The following RBMX2 variants were observed in gnomAD, a reference collection of about 807,000 sequenced individuals.
The protein encoded by RBMX2 is RNA binding motif protein X-linked 2, also known as RNA-binding motif protein, X-linked 2.
For synonymous variants in RBMX2, 77 were observed against 94.3 expected (o/e 0.82, Z 1.07); for missense variants, 191 against 256.0 (o/e 0.75, Z 1.73).
intron 4 of RBMX2, among the ~76,000 whole-genome samples, chrX:130,410,723 G>T (rs2034508385): frequency 8.9e-6 from 1 of 112,246 alleles, no homozygotes; most frequent in Non-Finnish European, 1.9e-5. Context: ...CATCTGGAGA[G>T]ATGTGATTCG....
intron 1 of RBMX2, 30 bp from the exon 2 acceptor site, chrX:130,402,225 A>ACCCACC: frequency 2.5e-5 from 25 of 984,682 alleles, no homozygotes; most frequent in Middle Eastern, 3.5e-4. Flanking sequence ...TTTTCTGCCT[A>ACCCACC]CCCTCCCCAC....
At chrX:130,407,670 T>C (rs1199042294) in intron 3 of RBMX2, among the ~76,000 whole-genome samples, 1 of 109,888 alleles carries the variant, frequency 9.1e-6, no homozygotes, top group Non-Finnish European at 1.9e-5. Context: ...TTTTTCTTTT[T>C]TTTTTTTTGA....
In RBMX2 at chrX:130,412,168, C is replaced by T. The variant is rs574393290; in HGVS notation, c.482-193C>T. Among the ~76,000 whole-genome samples the T allele has an allele frequency of 2.8e-4, 30 of 107,850 alleles. No homozygotes were observed. The South Asian group carries it at 0.012, about 43-fold the overall frequency. The allele number at this position is 107,850 out of a possible 115,157, so 93.7% of individuals were successfully genotyped here. On this transcript the variant is annotated intron_variant, in intron 5 of 5. Transcript: ENST00000305536. ...GTCTTGATCTCCTGACCTCGTGATC[C>T]GCCTGTCTTGGCCTCCCAAAGTGCT... is the stretch of plus-strand genomic sequence containing the variant.
chrX:130,406,455 C>T (rs985839706), intron 3 of RBMX2, among the ~76,000 whole-genome samples: 2 of 109,605 alleles, frequency 1.8e-5, no homozygotes, highest in Non-Finnish European at 3.8e-5. Flanking sequence ...AGGTGGATTG[C>T]CTGAGCTCAG....
intron 3 of RBMX2, among the ~76,000 whole-genome samples, chrX:130,405,070 C>T (rs2034477214): frequency 8.9e-6 from 1 of 112,185 alleles, no homozygotes; most frequent in South Asian, 3.7e-4. Flanking sequence ...CCGCTGATAA[C>T]AGTGCCTTTC....
intron 4 of RBMX2, among the ~76,000 whole-genome samples, chrX:130,410,059 G>C (rs978714631): frequency 8.9e-6 from 1 of 111,840 alleles, no homozygotes; most frequent in East Asian, 2.8e-4. Flanking sequence ...TTGGTGGGGG[G>C]AGGCTTGAGT....
intron 4 of RBMX2, among the ~76,000 whole-genome samples, chrX:130,410,725 T>G (rs1404980604): frequency 1.8e-5 from 2 of 112,081 alleles, no homozygotes; most frequent in African/African-American, 6.5e-5. Context: ...TCTGGAGAGA[T>G]GTGATTCGTT....
In RBMX2 at chrX:130,413,140, T is replaced by C. The variant is rs3747337; in HGVS notation, c.*292T>C. On this transcript the variant is annotated 3_prime_UTR_variant, in exon 6 of 6. Coordinates refer to ENST00000305536, the MANE Select transcript of RBMX2 (RefSeq NM_016024.4). ...GATGGAATTTTCAGGAAAGGGAAAA[T>C]ACTAGATAATTCTAGAATTCTAGTC... 77 of 189,115 alleles carry C rather than the reference T, an allele frequency of 4.1e-4. No individual in the cohort carries two copies. The East Asian group carries it at 9.6e-3, about 24-fold the overall frequency. The allele number at this position is 189,115 out of a possible 1,213,427, so 15.6% of individuals were successfully genotyped here.
rs201100723 is a variant in RBMX2, at chrX:130,409,342, C to A, written c.259C>A (p.Gln87Lys). The change falls in exon 4 of 6, where the codon CAG becomes AAG. Residue 87 changes from glutamine (Q) to lysine (K), a missense_variant. Gln to Lys is a moderately conservative substitution (Grantham distance 53). Transcript: ENST00000305536. ...KGFCFLCYED[Q>K]RSTILAVDNF... is the part of the protein sequence containing the mutation. Reference sequence around the variant, plus strand: ...ATTCTGTTTCCTCTGCTATGAAGACCAGAGGAGCACAATTCTGGCCGTCGA... The same window carrying A: ...ATTCTGTTTCCTCTGCTATGAAGACAAGAGGAGCACAATTCTGGCCGTCGA... 12 of 1,206,482 alleles carry A rather than the reference C, an allele frequency of 9.9e-6. No individual in the cohort carries two copies. The African/African-American group carries it at 1.9e-4, about 19-fold the overall frequency.
chrX:130,410,913 A>G (rs2124787295), intron 4 of RBMX2, among the ~76,000 whole-genome samples: 1 of 112,343 alleles, frequency 8.9e-6, no homozygotes, highest in East Asian at 2.8e-4. Context: ...GCTAGATTTC[A>G]AGAATTCCTT....
chrX:130,411,353 A>G lies in RBMX2; in HGVS notation c.309A>G (p.Lys103=), dbSNP rs746055247. 4 of 1,182,396 alleles carry G rather than the reference A, an allele frequency of 3.4e-6. No individual in the cohort carries two copies. The highest frequency in any genetic ancestry group is 3.4e-6 in the Non-Finnish European group (3 of 881,825). Residue 103 remains lysine (K), a synonymous_variant, in exon 5 of 6, where the codon AAA becomes AAG. Coordinates refer to ENST00000305536, the MANE Select transcript of RBMX2 (RefSeq NM_016024.4). ...AVDNFNGIKI[K]GRTIRVDHVS... is the part of the protein sequence containing the mutation. The stretch of plus-strand genomic sequence containing the variant: ...GCATCGCCTGTCTTGCTTAGATCAA[A>G]GGAAGAACTATCCGAGTGGATCATG...
chrX:130,402,224 T>TTCCCCCC, intron 1 of RBMX2, 31 bp from the exon 2 acceptor site: 16 of 1,174,266 alleles, frequency 1.4e-5, no homozygotes, highest in South Asian at 1.9e-5. Context: ...CTTTTCTGCC[T>TTCCCCCC]ACCCTCCCCA....
At chrX:130,408,839 C>T (rs1046715080) in intron 3 of RBMX2, among the ~76,000 whole-genome samples, 5 of 112,265 alleles carry the variant, frequency 4.5e-5, no homozygotes, top group African/African-American at 1.3e-4. Flanking sequence ...CCACTTTGTG[C>T]GTGATAAACT....
At chrX:130,402,222 C>A in intron 1 of RBMX2, 33 bp from the exon 2 acceptor site, 1 of 1,186,054 alleles carries the variant, frequency 8.4e-7, no homozygotes, top group Non-Finnish European at 1.1e-6. Context: ...TGCTTTTCTG[C>A]CTACCCTCCC....
chrX:130,402,775 C>T (rs1171966370), intron 2 of RBMX2, among the ~76,000 whole-genome samples: 1 of 111,420 alleles, frequency 9.0e-6, no homozygotes, highest in Admixed American at 9.5e-5. Context: ...ATTGCTACCA[C>T]CACCCTCCCC....
intron 4 of RBMX2, among the ~76,000 whole-genome samples, chrX:130,410,407 G>C (rs2034506457): frequency 9.2e-6 from 1 of 108,434 alleles, no homozygotes; most frequent in Non-Finnish European, 1.9e-5. Flanking sequence ...GGGGGAGGGG[G>C]ACAGGGTCTC....
rs201413919 is a variant in RBMX2, at chrX:130,402,240, C to T, written c.6-15C>T. ...TTTTCTGCCTACCCTCCCCACCCCC[C>T]CCGCCACCGTGAAGCCCTTTAACTA... On this transcript the variant is annotated splice_polypyrimidine_tract_variant and intron_variant, in intron 1 of 5. Transcript: ENST00000305536. 1 of 1,187,256 alleles carries T rather than the reference C, an allele frequency of 8.4e-7. No homozygotes were observed. The highest frequency in any genetic ancestry group is 1.1e-6 in the Non-Finnish European group (1 of 883,958).
At chrX:130,402,224 T>TAACC in intron 1 of RBMX2, 31 bp from the exon 2 acceptor site, 8 of 1,174,330 alleles carry the variant, frequency 6.8e-6, no homozygotes, top group African/African-American at 1.8e-5. Flanking sequence ...CTTTTCTGCC[T>TAACC]ACCCTCCCCA....
chrX:130,402,234 A>ACCCCCCCCCC (rs368717541), intron 1 of RBMX2, 21 bp from the exon 2 acceptor site: 5 of 591,176 alleles, frequency 8.5e-6, no homozygotes, highest in African/African-American at 6.7e-5. Flanking sequence ...TACCCTCCCC[A>ACCCCCCCCCC]CCCCCCCCGC....
Sources: allele counts gnomAD v4.1 joint callset (sites outside exome capture counted in the v4.1 genomes callset), GRCh38; gene constraint gnomAD v4.1.1; transcripts MANE v1.5; gene names NCBI Gene and HGNC (gene_info 2026-07-23, HGNC 2026-07-21).